OSBPL10: variants seen among roughly 807,000 people sequenced by gnomAD.
OSBPL10 encodes the protein oxysterol-binding protein-related protein 10.
Under a neutral mutation model 81.7 loss-of-function variants are expected in OSBPL10, and 49 were observed. That is an observed-to-expected ratio of 0.60 (90% CI 0.48 to 0.76). OSBPL10 has a LOEUF of 0.76. Among genes scored for constraint, OSBPL10 ranks in the 30% least tolerant of loss-of-function variants. The pLI is 0.00. For missense variants in OSBPL10, 923 were observed against 987.8 expected (o/e 0.93, Z 0.88); for synonymous variants, 419 against 383.6 (o/e 1.09, Z -1.08).
chr3:31,781,407 C>T (rs1698692096), intron 4 of OSBPL10, among the ~76,000 whole-genome samples: 1 of 152,152 alleles, frequency 6.6e-6, no homozygotes, highest in African/African-American at 2.4e-5. Flanking sequence ...TGGAACAAGA[C>T]AAGGATGCCC....
At chr3:32,066,078 T>C (rs1463433623) in intron 1 of OSBPL10, among the ~76,000 whole-genome samples, 2 of 74,216 alleles carry the variant, frequency 2.7e-5, no homozygotes, top group South Asian at 5.6e-4. Flanking sequence ...TGAGCAGAGA[T>C]TGCGCCACTA....
intron 2 of OSBPL10, among the ~76,000 whole-genome samples, chr3:31,878,548 G>C (rs1701536642): frequency 6.6e-6 from 1 of 152,044 alleles, no homozygotes; most frequent in Non-Finnish European, 1.5e-5. Context: ...ATAAACATTA[G>C]CTTATTCCAT....
chr3:31,956,891 G>A (rs983305281), intron 1 of OSBPL10, among the ~76,000 whole-genome samples: 2 of 152,030 alleles, frequency 1.3e-5, no homozygotes, highest in African/African-American at 2.4e-5. Context: ...TCAGTACTTT[G>A]GGAGCCTGAG....
intron 2 of OSBPL10, among the ~76,000 whole-genome samples, chr3:32,040,574 A>G (rs1042160721): frequency 1.3e-5 from 2 of 150,584 alleles, no homozygotes; most frequent in African/African-American, 4.9e-5. Context: ...AGTGGCTCAC[A>G]CCTGTAAGCA....
At chr3:31,665,064 G>A (rs1700156567) in intron 10 of OSBPL10, among the ~76,000 whole-genome samples, 1 of 150,194 alleles carries the variant, frequency 6.7e-6, no homozygotes, top group Non-Finnish European at 1.5e-5. Context: ...TGACTACTTG[G>A]AAAAAAAAAG....
chr3:31,972,187 A>G (rs548564410), intron 1 of OSBPL10, among the ~76,000 whole-genome samples: 5 of 152,282 alleles, frequency 3.3e-5, no homozygotes, highest in East Asian at 1.9e-4. Flanking sequence ...TCAGGAGATC[A>G]AGACCAGCCT....
chr3:31,932,598 A>G (rs1003775486), intron 1 of OSBPL10, among the ~76,000 whole-genome samples: 1 of 152,094 alleles, frequency 6.6e-6, no homozygotes, highest in Non-Finnish European at 1.5e-5. Flanking sequence ...CTATATCCTT[A>G]CCTATCATTT....
At chr3:31,975,315 G>A (rs974638087) in intron 1 of OSBPL10, among the ~76,000 whole-genome samples, 1 of 152,100 alleles carries the variant, frequency 6.6e-6, no homozygotes, top group South Asian at 2.1e-4. Flanking sequence ...TGTACACGCG[G>A]ACAAGAATAC....
At chr3:31,921,655 A>C (rs975960393) in intron 1 of OSBPL10, among the ~76,000 whole-genome samples, 1 of 152,246 alleles carries the variant, frequency 6.6e-6, no homozygotes, top group African/African-American at 2.4e-5. Context: ...TCTCCCAGGC[A>C]TCAGAACTGC....
chr3:31,733,660 C>T (rs959547656), intron 5 of OSBPL10, among the ~76,000 whole-genome samples: 5 of 142,862 alleles, frequency 3.5e-5, no homozygotes, highest in East Asian at 2.0e-4. Context: ...AAAACAATTG[C>T]GATTTACCAA....
At chr3:31,858,430 G>A (rs1022463210) in intron 3 of OSBPL10, among the ~76,000 whole-genome samples, 51 of 152,074 alleles carry the variant, frequency 3.4e-4, no homozygotes, top group African/African-American at 1.2e-3. Context: ...TGGGCAGTCA[G>A]GTACTGCTTG....
chr3:31,799,853 C>T (rs1349363973), intron 4 of OSBPL10, among the ~76,000 whole-genome samples: 6 of 152,100 alleles, frequency 3.9e-5, no homozygotes, highest in African/African-American at 1.4e-4. Flanking sequence ...GGACTACAGG[C>T]GCCCACCACC....
At chr3:31,761,923 GGT>G (rs1336359482) in intron 4 of OSBPL10, among the ~76,000 whole-genome samples, 1 of 151,944 alleles carries the variant, frequency 6.6e-6, no homozygotes, top group African/African-American at 2.4e-5. Context: ...GGGGTGTGAT[GGT>G]ACTCAGCAAT....
intron 5 of OSBPL10, among the ~76,000 whole-genome samples, chr3:31,738,630 T>C (rs977924857): frequency 6.6e-6 from 1 of 152,152 alleles, no homozygotes; most frequent in Non-Finnish European, 1.5e-5. Flanking sequence ...CTAATCCTAA[T>C]GGTGACCCAC....
At position 31,661,884 on chromosome 3, in the gene OSBPL10, T is replaced by G. The variant is rs1700078590; in HGVS notation, c.*188A>C. 3 of 809,890 alleles carry G rather than the reference T, an allele frequency of 3.7e-6. No homozygotes were observed. The highest frequency in any genetic ancestry group is 3.9e-5 in the South Asian group (2 of 51,908). 50.2% of individuals were successfully genotyped at this position (809,890 alleles called of 1,614,324 possible). On this transcript the variant is annotated 3_prime_UTR_variant, in exon 12 of 12. Coordinates refer to ENST00000396556, the MANE Select transcript of OSBPL10 (RefSeq NM_017784.5). Reference sequence around the variant, plus strand: ...ACACACACGTGCCCCGAATGGCTCTTGAATAAATTCATTCCTCTAGCAGAG... The same window carrying G: ...ACACACACGTGCCCCGAATGGCTCTGGAATAAATTCATTCCTCTAGCAGAG...
intron 3 of OSBPL10, among the ~76,000 whole-genome samples, chr3:31,853,519 T>C (rs1016549063): frequency 6.6e-6 from 1 of 152,080 alleles, no homozygotes; most frequent in Non-Finnish European, 1.5e-5. Flanking sequence ...AAATCAAGGT[T>C]AGCCACCTTG....
chr3:31,856,083 C>A (rs1700907169), intron 3 of OSBPL10, among the ~76,000 whole-genome samples: 1 of 134,794 alleles, frequency 7.4e-6, no homozygotes, highest in Admixed American at 7.2e-5. Context: ...CACACACACA[C>A]ACACACACAC....
At chr3:31,989,334 CACAGGG>C in intron 2 of OSBPL10, 1 of 1,614,126 alleles carries the variant, frequency 6.2e-7, no homozygotes, top group South Asian at 1.1e-5. Context: ...CAGAAGTGGA[CACAGGG>C]ACATTAGAAA....
intron 2 of OSBPL10, among the ~76,000 whole-genome samples, chr3:32,031,469 T>A (rs915732433): frequency 6.6e-6 from 1 of 151,908 alleles, no homozygotes; most frequent in Non-Finnish European, 1.5e-5. Flanking sequence ...ATAATTTTTT[T>A]TTTTTTTTTC....
Sources: gnomAD v4.1 joint callset for allele counts (sites outside exome capture counted in the v4.1 genomes callset) on GRCh38, gnomAD v4.1.1 for gene constraint, MANE v1.5 for transcripts, NCBI Gene and HGNC (gene_info 2026-07-23, HGNC 2026-07-21) for gene names.